The following FOSL1 variants were observed in gnomAD, a reference collection of about 807,000 sequenced individuals.
The protein encoded by FOSL1 is FOS like 1, AP-1 transcription factor subunit.
In FOSL1, 14 loss-of-function variants were observed where a neutral mutation model predicts 24.9. The observed-to-expected ratio is 0.56, with a 90% confidence interval of 0.37 to 0.88. The LOEUF is 0.88. Ranked by LOEUF, FOSL1 falls within the 40% of genes least tolerant of loss-of-function variation. The pLI is 0.00. For synonymous variants in FOSL1, 133 were observed against 145.1 expected (o/e 0.92, Z 0.60); for missense variants, 318 against 359.8 (o/e 0.88, Z 0.94).
intron 1 of FOSL1, among the ~76,000 whole-genome samples, chr11:65,897,793 G>C (rs895809428): frequency 6.6e-6 from 1 of 152,116 alleles, no homozygotes; most frequent in Non-Finnish European, 1.5e-5. Context: ...TCAGGTGAGA[G>C]AATGTGTGCG....
At chr11:65,898,424 G>C (rs1366797573) in intron 1 of FOSL1, among the ~76,000 whole-genome samples, 3 of 151,720 alleles carry the variant, frequency 2.0e-5, no homozygotes, top group African/African-American at 7.3e-5. Flanking sequence ...AGCTGAAGCA[G>C]TCCACCCACC....
In FOSL1 at chr11:65,894,062, C is replaced by G. The variant is rs1331631864; in HGVS notation, c.357G>C (p.Ala119=). The change falls in exon 3 of 4, where the codon GCG becomes GCC. Residue 119 remains alanine (A), a synonymous_variant. Coordinates refer to ENST00000312562, the MANE Select transcript of FOSL1 (RefSeq NM_005438.5). ...CCTTCCTCCGGTTCCTGCACTTGGC[C>G]GCAGCCAGCTTGTTCCGCTCGCGCC... The part of the protein sequence containing the change: ...RVRRERNKLA[A]AKCRNRRKEL... The G allele has an allele frequency of 1.2e-6, 2 of 1,611,338 alleles. No individual in the cohort carries two copies. The highest frequency in any genetic ancestry group is 1.1e-5 in the South Asian group (1 of 90,538).
Position 65,894,030 on chromosome 11 carries a change from G to C in FOSL1, c.389C>G (p.Thr130Ser). ...GGTGCTCACCGCCTGCAGGAAGTCG[G>C]TCAGTTCCTTCCTCCGGTTCCTGCA... ...AKCRNRRKEL[T>S]DFLQAETDKL... The change falls in exon 3 of 4, where the codon ACC (threonine) becomes AGC (serine). Residue 130 changes from threonine (T) to serine (S), a missense_variant. Coordinates refer to ENST00000312562, the MANE Select transcript of FOSL1 (RefSeq NM_005438.5). The C allele has an allele frequency of 6.2e-7, 1 of 1,604,332 alleles. No homozygotes were observed. Among genetic ancestry groups the C allele is most frequent in the East Asian group, 2.2e-5 (1 of 44,632 alleles).
At chr11:65,896,486 A>G (rs1446083880) in intron 2 of FOSL1, among the ~76,000 whole-genome samples, 1 of 151,926 alleles carries the variant, frequency 6.6e-6, no homozygotes, top group Non-Finnish European at 1.5e-5. Flanking sequence ...CGCACCTTAC[A>G]TGTTCTTGCC....
At chr11:65,896,567 G>C (rs1011627580) in intron 2 of FOSL1, among the ~76,000 whole-genome samples, 1 of 152,084 alleles carries the variant, frequency 6.6e-6, no homozygotes, top group Non-Finnish European at 1.5e-5. Flanking sequence ...GCCTCTGCCA[G>C]TCCTACCCAT....
intron 1 of FOSL1, among the ~76,000 whole-genome samples, chr11:65,899,085 C>A (rs1368619776): frequency 1.3e-5 from 2 of 152,074 alleles, no homozygotes; most frequent in African/African-American, 2.4e-5. Flanking sequence ...ATGTAGCAAG[C>A]GCCCAGCACA....
Position 65,894,136 on chromosome 11 carries a change from C to G in FOSL1, c.298-15G>C, listed in dbSNP as rs774398775. 3 of 1,583,068 alleles carry G rather than the reference C, an allele frequency of 1.9e-6. No homozygotes were observed. Among genetic ancestry groups the G allele is most frequent in the Admixed American group, 1.7e-5 (1 of 58,782 alleles). On this transcript the variant is annotated splice_polypyrimidine_tract_variant and intron_variant, in intron 2 of 3. Transcript: ENST00000312562. ...TCCGGGCTGATCTGGGGGTGAGACC[C>G]GCAGTGAGGAGGACCCTGGGCTACT...
chr11:65,898,043 C>CTTTTTTTTTTTT (rs1565290153), intron 1 of FOSL1, among the ~76,000 whole-genome samples: 6 of 79,672 alleles, frequency 7.5e-5, no homozygotes, highest in East Asian at 5.7e-4. Flanking sequence ...TTTTTCTTTT[C>CTTTTTTTTTTTT]TGTTTTTTTT....
At chr11:65,893,386 G>T (rs954586555) in intron 3 of FOSL1, 90 bp from the exon 4 acceptor site, 12 of 886,984 alleles carry the variant, frequency 1.4e-5, no homozygotes, top group Non-Finnish European at 2.0e-5. Flanking sequence ...AGGAGCTGGG[G>T]TTGGGCGGGG....
At chr11:65,893,806 AAGG>A (rs1190479566) in intron 3 of FOSL1, among the ~76,000 whole-genome samples, 1 of 152,016 alleles carries the variant, frequency 6.6e-6, no homozygotes, top group Non-Finnish European at 1.5e-5. Flanking sequence ...TCAAAAAAAA[AAGG>A]AGATTGCTGG....
In FOSL1 at chr11:65,892,936, C is replaced by T. The variant is rs763454407; in HGVS notation, c.766G>A (p.Gly256Arg). 29 of 1,612,192 alleles carry T rather than the reference C, an allele frequency of 1.8e-5. No homozygotes were observed. Among genetic ancestry groups the T allele is most frequent in the Middle Eastern group, 2.1e-4 (1 of 4,758 alleles). Residue 256 changes from glycine to arginine, a missense_variant, in exon 4 of 4, where the codon GGA (glycine) becomes AGA (arginine). Transcript: ENST00000312562. Reference sequence around the variant, plus strand: ...CCAAGGGGGTCAGAGGATGGGTCTCCGCTGCTGCTGCTACTCTTGCGATGA... The same window carrying T: ...CCAAGGGGGTCAGAGGATGGGTCTCTGCTGCTGCTGCTACTCTTGCGATGA... ...SAHRKSSSSS[G>R]DPSSDPLGSP... is the part of the protein sequence containing the mutation.
intron 1 of FOSL1, 80 bp from the exon 2 acceptor site, chr11:65,897,086 G>T: frequency 1.9e-6 from 2 of 1,049,662 alleles, no homozygotes; most frequent in Admixed American, 1.8e-5. Flanking sequence ...CTACACTGCT[G>T]TCTACCTTCA....
chr11:65,893,231 C>T lies in FOSL1; in HGVS notation c.471G>A (p.Gln157=), dbSNP rs765242580. The change falls in exon 4 of 4, where the codon CAG becomes CAA. Residue 157 remains glutamine (Q), a synonymous_variant. Transcript: ENST00000312562. ...CCAGCACCAGCTCTAGGCGCTCCTTCTGCTTCTGCAGCTCCTCAATCTCTC... is the reference window on the plus strand; with the variant it reads ...CCAGCACCAGCTCTAGGCGCTCCTTTTGCTTCTGCAGCTCCTCAATCTCTC... ...LQREIEELQK[Q]KERLELVLEA... is the part of the protein sequence containing the mutation. 1 of 1,613,904 alleles carries T rather than the reference C, an allele frequency of 6.2e-7. No homozygotes were observed. The highest frequency in any genetic ancestry group is 2.2e-5 in the East Asian group (1 of 44,892).
At chr11:65,895,837 C>T (rs145058249) in intron 2 of FOSL1, among the ~76,000 whole-genome samples, 100 of 152,230 alleles carry the variant, frequency 6.6e-4, no homozygotes, top group African/African-American at 2.4e-3. Context: ...AACCTCATCC[C>T]CTGTAGTCTC....
rs1488880481 is a variant in FOSL1, at chr11:65,893,078, A to T, written c.624T>A (p.Pro208=). 1 of 1,611,762 alleles carries T rather than the reference A, an allele frequency of 6.2e-7. No individual in the cohort carries two copies. The highest frequency in any genetic ancestry group is 8.5e-7 in the Non-Finnish European group (1 of 1,178,982). The change falls in exon 4 of 4, where the codon CCT becomes CCA. Residue 208 remains proline (P), a synonymous_variant. Coordinates refer to ENST00000312562, the MANE Select transcript of FOSL1 (RefSeq NM_005438.5). ...TGTGCAGTGCCTCAGGTTCAAGCAC[A>T]GGCCCTGGGGAAAGGGAGATACAAG... is the stretch of plus-strand genomic sequence containing the variant. ...PVPCISLSPG[P]VLEPEALHTP...
In FOSL1 at chr11:65,893,135, G is replaced by A; in HGVS notation, c.567C>T (p.Thr189=). The A allele has an allele frequency of 6.2e-7, 1 of 1,613,032 alleles. No homozygotes were observed. Among genetic ancestry groups the A allele is most frequent in the Non-Finnish European group, 8.5e-7 (1 of 1,179,866 alleles). The change falls in exon 4 of 4, where the codon ACC becomes ACT. Residue 189 remains threonine, a synonymous_variant. Coordinates refer to ENST00000312562, the MANE Select transcript of FOSL1 (RefSeq NM_005438.5). ...KEGDTGSTSG[T]SSPPAPCRPV... The stretch of plus-strand genomic sequence containing the variant: ...GGCGGCAGGGGGCTGGTGGGCTGCT[G>A]GTGCCACTGGTACTGCCTGTGTCCC...
In FOSL1 at chr11:65,896,970, C is replaced by T. The variant is rs145375154; in HGVS notation, c.136G>A (p.Gly46Ser). ...HLVPSINTMS[G>S]SQELQWMVQP... Reference sequence around the variant, plus strand: ...ACCATCCACTGCAGCTCCTGACTGCCACTCATGGTGTTGATGCTTGGCACC... The same window carrying T: ...ACCATCCACTGCAGCTCCTGACTGCTACTCATGGTGTTGATGCTTGGCACC... The change falls in exon 2 of 4, where the codon GGC becomes AGC. Residue 46 changes from glycine (G) to serine (S), a missense_variant. By Grantham distance (56) the Gly-to-Ser change is moderately conservative. Transcript: ENST00000312562. 5 of 1,614,038 alleles carry T rather than the reference C, an allele frequency of 3.1e-6. No homozygotes were observed. Among genetic ancestry groups the T allele is most frequent in the Non-Finnish European group, 4.2e-6 (5 of 1,180,012 alleles).
At position 65,900,259 on chromosome 11, in the gene FOSL1, T is replaced by A; in HGVS notation, c.81A>T (p.Ala27=). The A allele has an allele frequency of 1.6e-6, 2 of 1,243,952 alleles. No individual in the cohort carries two copies. Among genetic ancestry groups the A allele is most frequent in the Non-Finnish European group, 2.0e-6 (2 of 993,642 alleles). The allele number at this position is 1,243,952 out of a possible 1,614,324, so 77.1% of individuals were successfully genotyped here. Residue 27 remains alanine (A), a synonymous_variant, in exon 1 of 4, where the codon GCA becomes GCT. Coordinates refer to ENST00000312562, the MANE Select transcript of FOSL1 (RefSeq NM_005438.5). ...GYGGPAQPPA[A]AQAAQQKFHL... is the part of the protein sequence containing the mutation. ...CACTCACCTGCTGGGCTGCCTGCGC[T>A]GCGGCCGGGGGCTGCGCGGGGCCGC...
rs895295964 is a variant in FOSL1, at chr11:65,895,782, G to C, written c.297+1027C>G. ...TGGCTGATCTCTCACCTTTCCCAGG[G>C]CCCTAACCTCTCTCCCCATCCTCTA... is the stretch of plus-strand genomic sequence containing the variant. On this transcript the variant is annotated intron_variant, in intron 2 of 3. Coordinates refer to ENST00000312562, the MANE Select transcript of FOSL1 (RefSeq NM_005438.5). Among the ~76,000 whole-genome samples, 28 of 152,160 alleles carry C rather than the reference G, an allele frequency of 1.8e-4. No homozygotes were observed. In the Middle Eastern group the frequency reaches 0.01, roughly 55 times the overall value.
Sources: gnomAD v4.1 joint callset for allele counts (sites outside exome capture counted in the v4.1 genomes callset) on GRCh38, gnomAD v4.1.1 for gene constraint, MANE v1.5 for transcripts, NCBI Gene and HGNC (gene_info 2026-07-23, HGNC 2026-07-21) for gene names.